The following LZTFL1 variants were observed in gnomAD, a reference collection of about 807,000 sequenced individuals.
LZTFL1 encodes the protein leucine zipper transcription factor-like protein 1.
LZTFL1 carries 25 observed loss-of-function variants against 45.9 expected under a neutral mutation model. The ratio of observed to expected loss-of-function variants is 0.54; its 90% CI spans 0.40 to 0.76. The LOEUF is 0.76. LZTFL1 is among the 30% of genes least tolerant of loss of function. LZTFL1 has a pLI of 0.00. For synonymous variants in LZTFL1, 93 were observed against 117.4 expected (o/e 0.79, Z 1.35); for missense variants, 277 against 331.1 (o/e 0.84, Z 1.27).
At chr3:45,898,997 C>T (rs1702460601) in intron 2 of LZTFL1, among the ~76,000 whole-genome samples, 1 of 152,130 alleles carries the variant, frequency 6.6e-6, no homozygotes, top group South Asian at 2.1e-4. Context: ...GAAATCCCGT[C>T]TCTACTAAAA....
chr3:45,878,997 C>G (rs191813152), intron 2 of LZTFL1, among the ~76,000 whole-genome samples: 2 of 152,348 alleles, frequency 1.3e-5, no homozygotes, highest in African/African-American at 4.8e-5. Context: ...AGCCCAGGCC[C>G]TAAACACATA....
In LZTFL1 at chr3:45,825,372, A is replaced by G. The variant is rs1234446549; in HGVS notation, c.*942T>C. On this transcript the variant is annotated 3_prime_UTR_variant, in exon 10 of 10. Transcript: ENST00000296135. The stretch of plus-strand genomic sequence containing the variant: ...TGCCCAGTTTCTAATGATTTGTCCA[A>G]AATCGTCTGAGAAAACCAGGCCAAT... 1 of 152,580 alleles carries G rather than the reference A, an allele frequency of 6.6e-6. No individual in the cohort carries two copies. The highest frequency in any genetic ancestry group is 1.9e-4 in the East Asian group (1 of 5,210). 9.5% of individuals were successfully genotyped at this position (152,580 alleles called of 1,614,324 possible).
chr3:45,837,991 G>A lies in LZTFL1; in HGVS notation c.64C>T (p.Arg22Cys), dbSNP rs1335038702. Residue 22 changes from arginine to cysteine, a missense_variant, in exon 2 of 10, where the codon CGT becomes TGT. Arg to Cys is a radical substitution (Grantham distance 180). Transcript: ENST00000296135. ...TTGAGTCTCAAGCCTCTCTTTGAAC[G>A]AGCAAAACGCATATAATTAATAACT... is the stretch of plus-strand genomic sequence containing the variant. Reference protein sequence around the residue: ...NEVINYMRFARSKRGLRLKTV... With the variant: ...NEVINYMRFACSKRGLRLKTV... 4 of 1,613,518 alleles carry A rather than the reference G, an allele frequency of 2.5e-6. No homozygotes were observed. Among genetic ancestry groups the A allele is most frequent in the South Asian group, 2.2e-5 (2 of 90,920 alleles).
intron 2 of LZTFL1, among the ~76,000 whole-genome samples, chr3:45,883,469 C>G (rs1269417844): frequency 6.6e-6 from 1 of 152,208 alleles, no homozygotes; most frequent in Non-Finnish European, 1.5e-5. Context: ...TCTTCTCAAA[C>G]CTTTTCCTCA....
intron 2 of LZTFL1, among the ~76,000 whole-genome samples, chr3:45,899,034 C>T (rs1702461461): frequency 6.6e-6 from 1 of 152,172 alleles, no homozygotes; most frequent in South Asian, 2.1e-4. Flanking sequence ...GGCATGGTGG[C>T]ACACGCCTGT....
chr3:45,901,934 A>G lies in LZTFL1; in HGVS notation c.-215+11186T>C. 6.6e-7 allele frequency: 1 copy of G among 1,512,904 alleles called. No individual in the cohort carries two copies. Among genetic ancestry groups the G allele is most frequent in the Non-Finnish European group, 8.9e-7 (1 of 1,126,008 alleles). 93.7% of individuals were successfully genotyped at this position (1,512,904 alleles called of 1,614,324 possible). A position where few individuals can be genotyped will look rare whatever the true frequency, so the allele number is the denominator to read the frequency against. ...CTGAGGTGCATGGTTCTTTTGGAAG[A>G]AATGAGAAATACAGAAACAGTTTCC... On this transcript the variant is annotated intron_variant, in intron 2 of 4. Transcript: ENST00000472635. The surrounding 1 kb of genome is among the most constrained non-coding windows in gnomAD (Gnocchi z 4.3).
rs1417399676 is a variant in LZTFL1 at position 45,894,397 on chromosome 3, A to C, written c.-215+18723T>G. On this transcript the variant is annotated intron_variant, in intron 2 of 4. Coordinates refer to the LZTFL1 transcript ENST00000472635. ...TTCTTCTTGCCACCTGGTTACTCAAAGGCCCTTTTCCTGGGGAGTCCAGAG... is the reference window on the plus strand; with the variant it reads ...TTCTTCTTGCCACCTGGTTACTCAACGGCCCTTTTCCTGGGGAGTCCAGAG... Among the ~76,000 whole-genome samples, 4 of 152,144 alleles carry C rather than the reference A, an allele frequency of 2.6e-5. No homozygotes were observed. In the East Asian group the frequency reaches 7.7e-4, roughly 29 times the overall value.
At chr3:45,878,595 T>TG (rs1701793369) in intron 2 of LZTFL1, among the ~76,000 whole-genome samples, 1 of 111,556 alleles carries the variant, frequency 9.0e-6, no homozygotes, top group Non-Finnish European at 1.9e-5. Context: ...GGCCCTCAAG[T>TG]AAAAAAAAAA....
chr3:45,855,096 TA>T lies in LZTFL1; in HGVS notation c.-137-23del, dbSNP rs768140906. The stretch of plus-strand genomic sequence containing the variant: ...TTCCCTAGAAAATGAGAGTTCGAGT[TA>T]AAAATTATAAGTTGTATCTTAAAAA... On this transcript the variant is annotated intron_variant, in intron 3 of 4. Transcript: ENST00000472635. 8 of 1,389,146 alleles carry T rather than the reference TA, an allele frequency of 5.8e-6. No individual in the cohort carries two copies. The South Asian group carries it at 8.8e-5, about 15-fold the overall frequency. 86.1% of individuals were successfully genotyped at this position (1,389,146 alleles called of 1,614,324 possible). A position where few individuals can be genotyped will look rare whatever the true frequency, so the allele number is the denominator to read the frequency against.
upstream of LZTFL1, among the ~76,000 whole-genome samples, chr3:45,846,148 G>C (rs540421309): frequency 6.6e-6 from 1 of 152,264 alleles, no homozygotes; most frequent in Admixed American, 6.5e-5. Context: ...TTTGGCCCTG[G>C]ACATGCCCTC....
chr3:45,879,953 A>AGT (rs1701822267), intron 2 of LZTFL1, among the ~76,000 whole-genome samples: 1 of 152,154 alleles, frequency 6.6e-6, no homozygotes, highest in Admixed American at 6.5e-5. Context: ...GGTGACGTTT[A>AGT]GTGTGTGTGT....
intron 2 of LZTFL1, among the ~76,000 whole-genome samples, chr3:45,884,750 C>T (rs1203916547): frequency 6.6e-6 from 1 of 152,202 alleles, no homozygotes. Context: ...TGTCTCACCT[C>T]GCTGCAAGCT....
At chr3:45,866,265 T>C (rs1267807239) in intron 2 of LZTFL1, among the ~76,000 whole-genome samples, 1 of 152,220 alleles carries the variant, frequency 6.6e-6, no homozygotes, top group East Asian at 1.9e-4. Context: ...AATTGCATAC[T>C]TTAAACATGT....
At chr3:45,898,995 G>A (rs557187340) in intron 2 of LZTFL1, among the ~76,000 whole-genome samples, 6 of 152,106 alleles carry the variant, frequency 3.9e-5, no homozygotes, top group African/African-American at 9.7e-5. Context: ...GTGAAATCCC[G>A]TCTCTACTAA....
intron 2 of LZTFL1, among the ~76,000 whole-genome samples, chr3:45,873,342 T>C (rs1701699910): frequency 6.6e-6 from 1 of 152,234 alleles, no homozygotes; most frequent in Non-Finnish European, 1.5e-5. Context: ...TAGCTGTGTG[T>C]TTTGCTAATC....
chr3:45,882,373 C>A (rs917033880), intron 2 of LZTFL1, among the ~76,000 whole-genome samples: 1 of 152,134 alleles, frequency 6.6e-6, no homozygotes, highest in Non-Finnish European at 1.5e-5. Flanking sequence ...CAAGATAAGG[C>A]GTTAATCAAT....
chr3:45,870,033 G>A (rs955846646), intron 2 of LZTFL1, among the ~76,000 whole-genome samples: 1 of 152,214 alleles, frequency 6.6e-6, no homozygotes, highest in Non-Finnish European at 1.5e-5. Context: ...ATTAAACGAG[G>A]GGTATAAACT....
intron 4 of LZTFL1, among the ~76,000 whole-genome samples, chr3:45,834,005 C>T (rs942512652): frequency 6.6e-6 from 1 of 152,164 alleles, no homozygotes; most frequent in Non-Finnish European, 1.5e-5. Context: ...TGAGACTGAA[C>T]TTAGGGATCA....
At chr3:45,914,313 G>T (rs1487876779) in intron 1 of LZTFL1, among the ~76,000 whole-genome samples, 2 of 149,226 alleles carry the variant, frequency 1.3e-5, no homozygotes, top group South Asian at 2.1e-4. Flanking sequence ...TTGAGACAGG[G>T]TCTCACTCTG....
Sources: gnomAD v4.1 joint callset for allele counts (sites outside exome capture counted in the v4.1 genomes callset) on GRCh38, gnomAD v4.1.1 for gene constraint, Gnocchi (gnomAD v3.1) non-coding constraint, MANE v1.5 for transcripts, NCBI Gene and HGNC (gene_info 2026-07-23, HGNC 2026-07-21) for gene names.